Variants in IGF2BP3 observed in about 807,000 individuals in gnomAD.
The protein encoded by IGF2BP3 is insulin-like growth factor 2 mRNA-binding protein 3.
A neutral mutation model predicts 73.8 loss-of-function variants in IGF2BP3; 9 were observed. The ratio of observed to expected loss-of-function variants is 0.12; its 90% CI spans 0.07 to 0.21. IGF2BP3 has a LOEUF of 0.21. Among genes scored for constraint, IGF2BP3 ranks in the 10% least tolerant of loss-of-function variants. The pLI, the probability that IGF2BP3 is intolerant of heterozygous loss-of-function variation, is 1.00. For synonymous variants in IGF2BP3, 258 were observed against 256.7 expected (o/e 1.01, Z -0.05); for missense variants, 542 against 714.0 (o/e 0.76, Z 2.75).
intron 2 of IGF2BP3, among the ~76,000 whole-genome samples, chr7:23,464,500 G>C (rs1170296831): frequency 6.6e-6 from 1 of 151,766 alleles, no homozygotes; most frequent in Non-Finnish European, 1.5e-5. Flanking sequence ...TTGAGCTTAG[G>C]CACCACAGTC....
intron 10 of IGF2BP3, among the ~76,000 whole-genome samples, chr7:23,324,248 G>C (rs1031350715): frequency 4.0e-5 from 6 of 150,302 alleles, no homozygotes; most frequent in Non-Finnish European, 6.0e-5. Flanking sequence ...TATCACCACC[G>C]ATCCCACAGA....
At chr7:23,359,803 G>A (rs1785180771) in intron 5 of IGF2BP3, among the ~76,000 whole-genome samples, 1 of 152,040 alleles carries the variant, frequency 6.6e-6, no homozygotes, top group African/African-American at 2.4e-5. Flanking sequence ...CAGTTCTACT[G>A]AGGGTATAAA....
At position 23,345,807 on chromosome 7, in the gene IGF2BP3, T is replaced by C. The variant is rs118035358; in HGVS notation, c.941+133A>G. ...AAACCTAACAGGCAGCAAGCTGTAT[T>C]TGAGAAACCATGTGTAAGTACGGCA... On this transcript the variant is annotated intron_variant, in intron 8 of 14. Transcript: ENST00000258729. 659 of 1,043,396 alleles carry C rather than the reference T, an allele frequency of 6.3e-4. 5 individuals carry two copies. In the East Asian group the frequency reaches 0.014, roughly 22 times the overall value. The allele number at this position is 1,043,396 out of a possible 1,614,324, so 64.6% of individuals were successfully genotyped here.
chr7:23,386,630 A>T (rs937609712), intron 3 of IGF2BP3, among the ~76,000 whole-genome samples: 1 of 152,240 alleles, frequency 6.6e-6, no homozygotes, highest in African/African-American at 2.4e-5. Flanking sequence ...CAAGGAGAGA[A>T]ATTCCAAATA....
At chr7:23,396,246 G>A (rs150077738) in intron 3 of IGF2BP3, among the ~76,000 whole-genome samples, 1 of 152,066 alleles carries the variant, frequency 6.6e-6, no homozygotes, top group East Asian at 1.9e-4. Context: ...AATATAAAGT[G>A]CTGGCTTGGG....
At chr7:23,398,382 T>C (rs75425234) in intron 3 of IGF2BP3, among the ~76,000 whole-genome samples, 16,483 of 152,210 alleles carry the variant, frequency 0.11, 1,210 homozygotes, top group South Asian at 0.18. Context: ...TATGTGTGCA[T>C]GTGTCTTTAT....
chr7:23,463,221 C>T (rs938777672), intron 2 of IGF2BP3, among the ~76,000 whole-genome samples: 4 of 152,206 alleles, frequency 2.6e-5, no homozygotes, highest in Admixed American at 6.5e-5. Context: ...AAGTTGCTGC[C>T]TGGATGCTGC....
intron 10 of IGF2BP3, among the ~76,000 whole-genome samples, chr7:23,330,597 G>T (rs1019750829): frequency 2.0e-5 from 3 of 152,074 alleles, no homozygotes; most frequent in African/African-American, 4.8e-5. Context: ...TGAAAAATAG[G>T]GGTGGACTGA....
At chr7:23,318,056 C>A (rs149763019) in intron 11 of IGF2BP3, among the ~76,000 whole-genome samples, 1 of 152,288 alleles carries the variant, frequency 6.6e-6, no homozygotes, top group East Asian at 1.9e-4. Flanking sequence ...ACACAGCTAA[C>A]AGAGCTAGAG....
At chr7:23,408,949 A>C (rs1349634731) in intron 3 of IGF2BP3, among the ~76,000 whole-genome samples, 1 of 150,376 alleles carries the variant, frequency 6.6e-6, no homozygotes, top group Non-Finnish European at 1.5e-5. Context: ...CATGGAAGAC[A>C]ATTTTTCCAC....
chr7:23,435,781 A>G (rs1562752716), intron 2 of IGF2BP3, among the ~76,000 whole-genome samples: 1 of 145,162 alleles, frequency 6.9e-6, no homozygotes, highest in Non-Finnish European at 1.5e-5. Context: ...GTTTTTTGAG[A>G]CAGTCTCGCT....
At chr7:23,468,196 G>T (rs907758702) in intron 2 of IGF2BP3, among the ~76,000 whole-genome samples, 12 of 152,234 alleles carry the variant, frequency 7.9e-5, no homozygotes, top group Non-Finnish European at 1.5e-4. Context: ...TCCCGTAGGA[G>T]CAATTTGACC....
chr7:23,454,573 A>G (rs756503875), intron 2 of IGF2BP3, among the ~76,000 whole-genome samples: 4 of 152,190 alleles, frequency 2.6e-5, no homozygotes, highest in Non-Finnish European at 5.9e-5. Context: ...TTAATTCCCA[A>G]CAACCCTCTG....
chr7:23,443,083 A>G (rs1787973496), intron 2 of IGF2BP3, among the ~76,000 whole-genome samples: 1 of 148,820 alleles, frequency 6.7e-6, no homozygotes, highest in Non-Finnish European at 1.5e-5. Flanking sequence ...TCAGATCTAC[A>G]TATTTAAACA....
chr7:23,430,167 T>A (rs1314041215), intron 2 of IGF2BP3, among the ~76,000 whole-genome samples: 3 of 145,534 alleles, frequency 2.1e-5, no homozygotes. Flanking sequence ...CACTGCAACC[T>A]CCACCTCCCG....
intron 3 of IGF2BP3, among the ~76,000 whole-genome samples, chr7:23,394,884 G>A (rs1439776606): frequency 6.6e-6 from 1 of 152,190 alleles, no homozygotes; most frequent in African/African-American, 2.4e-5. Flanking sequence ...ATTATCTGAA[G>A]TCAGAAATGT....
intron 3 of IGF2BP3, among the ~76,000 whole-genome samples, chr7:23,377,983 C>T (rs1027843363): frequency 3.3e-5 from 5 of 152,110 alleles, no homozygotes; most frequent in Non-Finnish European, 7.4e-5. Context: ...CTGTTAATGG[C>T]TATAGGGTTA....
chr7:23,342,290 A>G (rs1281767979), intron 9 of IGF2BP3, 101 bp from the exon 10 acceptor site: 2 of 1,299,354 alleles, frequency 1.5e-6, no homozygotes, highest in Non-Finnish European at 2.2e-6. Flanking sequence ...TGTCTAATAA[A>G]GAAATGATTG....
intron 2 of IGF2BP3, among the ~76,000 whole-genome samples, chr7:23,444,673 G>A (rs1788016563): frequency 6.6e-6 from 1 of 150,748 alleles, no homozygotes; most frequent in Admixed American, 6.6e-5. Flanking sequence ...AACCTGGGAG[G>A]TGGAGGGTGC....
Sources: gnomAD v4.1 joint callset for allele counts (sites outside exome capture counted in the v4.1 genomes callset) on GRCh38, gnomAD v4.1.1 for gene constraint, MANE v1.5 for transcripts, NCBI Gene and HGNC (gene_info 2026-07-23, HGNC 2026-07-21) for gene names.